Variants in C3orf22 observed in about 807,000 individuals in gnomAD.
C3orf22 encodes chromosome 3 open reading frame 22, also known as uncharacterized protein C3orf22.
A neutral mutation model predicts 10.8 loss-of-function variants in C3orf22; 7 were observed. The observed-to-expected ratio is 0.65, with a 90% confidence interval of 0.37 to 1.22. The LOEUF (loss-of-function observed/expected upper bound fraction) is 1.22. Among genes scored for constraint, C3orf22 ranks in the 50% most tolerant of loss-of-function variants. The pLI, the probability that C3orf22 is intolerant of heterozygous loss-of-function variation, is 0.02. For synonymous variants in C3orf22, 79 were observed against 78.9 expected (o/e 1.00, Z 0.00); for missense variants, 173 against 177.0 (o/e 0.98, Z 0.13).
At chr3:126,543,976 A>T (rs901565160) in intron 4 of C3orf22, among the ~76,000 whole-genome samples, 6 of 152,176 alleles carry the variant, frequency 3.9e-5, no homozygotes, top group Admixed American at 2.0e-4. Context: ...CACCATTTCC[A>T]GCGTTCCCTG....
In C3orf22 at chr3:126,529,389, G is replaced by T. The variant is rs781528562; in HGVS notation, c.287-17C>A. The T allele has an allele frequency of 7.8e-6, 10 of 1,289,244 alleles. No homozygotes were observed. The South Asian group carries it at 9.9e-5, about 13-fold the overall frequency. The allele number at this position is 1,289,244 out of a possible 1,614,324, so 79.9% of individuals were successfully genotyped here. A position where few individuals can be genotyped will look rare whatever the true frequency, so the allele number is the denominator to read the frequency against. On this transcript the variant is annotated splice_polypyrimidine_tract_variant and intron_variant and NMD_transcript_variant, in intron 4 of 5. Coordinates refer to the C3orf22 transcript ENST00000505070. ...CCCACTTGCCTACGGATGCCGCAAG[G>T]GGGGACAGGTGTCAGGACAAGGGGG...
intron 4 of C3orf22, among the ~76,000 whole-genome samples, chr3:126,529,544 C>T (rs1181438564): frequency 1.3e-5 from 2 of 152,254 alleles, no homozygotes; most frequent in Non-Finnish European, 2.9e-5. Context: ...CTCAGTTTCC[C>T]CCTCTGTCAA....
In C3orf22 at chr3:126,541,842, G is replaced by T. The variant is rs138078497; in HGVS notation, c.286+7695C>A. 24 of 1,577,502 alleles carry T rather than the reference G, an allele frequency of 1.5e-5. No individual in the cohort carries two copies. The highest frequency in any genetic ancestry group is 1.9e-5 in the Non-Finnish European group (22 of 1,162,462). ...CGCCTGCTACAGCCGGAGGACCTGC[G>T]GCACGTGCTGGTGGACGACGCGCAT... On this transcript the variant is annotated intron_variant and NMD_transcript_variant, in intron 4 of 5. Coordinates refer to the C3orf22 transcript ENST00000505070.
intron 4 of C3orf22, among the ~76,000 whole-genome samples, chr3:126,537,994 G>A (rs936882462): frequency 2.0e-5 from 3 of 152,214 alleles, no homozygotes; most frequent in Admixed American, 2.0e-4. Flanking sequence ...GCCCCGGACA[G>A]TGGACATAGG....
chr3:126,541,113 TG>T (rs1402515345), intron 4 of C3orf22, among the ~76,000 whole-genome samples: 21 of 152,276 alleles, frequency 1.4e-4, no homozygotes, highest in African/African-American at 5.1e-4. Context: ...GCGGTGAGGC[TG>T]CTGGCCCGCA....
intron 1 of C3orf22, among the ~76,000 whole-genome samples, chr3:126,554,262 GTTTT>G (rs772991755): frequency 4.9e-5 from 4 of 80,934 alleles, no homozygotes; most frequent in African/African-American, 1.1e-4. Context: ...TTTTTCTGTT[GTTTT>G]TTTTTTTTTT....
intron 1 of C3orf22, 44 bp from the exon 2 acceptor site, chr3:126,553,474 G>T: frequency 8.1e-7 from 1 of 1,240,742 alleles, no homozygotes; most frequent in Non-Finnish European, 1.2e-6. Flanking sequence ...GGGTGGTGGG[G>T]GGCAGAAGGC....
At chr3:126,537,345 G>T (rs955690854) in intron 4 of C3orf22, among the ~76,000 whole-genome samples, 1 of 152,228 alleles carries the variant, frequency 6.6e-6, no homozygotes, top group African/African-American at 2.4e-5. Context: ...TGGGCAGCAC[G>T]CAGGCCCTGC....
chr3:126,551,132 C>T (rs549270047), intron 3 of C3orf22, among the ~76,000 whole-genome samples: 3 of 151,052 alleles, frequency 2.0e-5, no homozygotes, highest in African/African-American at 4.9e-5. Context: ...TGTGTGTGTG[C>T]GTGGCACTAC....
At chr3:126,539,815 CAAA>C (rs1936902214) in intron 4 of C3orf22, among the ~76,000 whole-genome samples, 1 of 80,404 alleles carries the variant, frequency 1.2e-5, no homozygotes, top group Non-Finnish European at 2.5e-5. Context: ...CCACACACCA[CAAA>C]CACACATACC....
chr3:126,541,969 C>A, intron 4 of C3orf22: 1 of 1,581,834 alleles, frequency 6.3e-7, no homozygotes, highest in Non-Finnish European at 8.6e-7. Flanking sequence ...GCGCCATCTC[C>A]GCGCAAGAGG....
intron 3 of C3orf22, 37 bp from the exon 4 acceptor site, chr3:126,550,115 G>A (rs1286791961): frequency 1.9e-6 from 3 of 1,608,288 alleles, no homozygotes; most frequent in Non-Finnish European, 2.5e-6. Flanking sequence ...TGGCCTTCAG[G>A]ACCCCTGCTG....
intron 2 of C3orf22, 90 bp from the exon 3 acceptor site, chr3:126,552,212 C>T (rs928950928): frequency 1.9e-6 from 3 of 1,589,634 alleles, no homozygotes; most frequent in Non-Finnish European, 1.7e-6. Flanking sequence ...ATCTGCTAGG[C>T]ACTGTTCTAA....
intron 1 of C3orf22, among the ~76,000 whole-genome samples, chr3:126,553,772 G>C (rs772346110): frequency 6.6e-6 from 1 of 152,168 alleles, no homozygotes; most frequent in African/African-American, 2.4e-5. Context: ...AACTGCACAC[G>C]AGGTGTGTTT....
chr3:126,553,130 G>C (rs1217992266), intron 2 of C3orf22, among the ~76,000 whole-genome samples, 172 bp downstream of exon 2: 2 of 152,198 alleles, frequency 1.3e-5, no homozygotes, highest in Non-Finnish European at 2.9e-5. Context: ...GGCTGTGATG[G>C]GGGTAACGAA....
At chr3:126,543,780 G>A (rs1407744927) in intron 4 of C3orf22, among the ~76,000 whole-genome samples, 1 of 152,190 alleles carries the variant, frequency 6.6e-6, no homozygotes, top group Non-Finnish European at 1.5e-5. Flanking sequence ...GTGAGTGTGG[G>A]TGTGTCTTGG....
intron 4 of C3orf22, chr3:126,541,770 G>A (rs1030473591): frequency 2.2e-5 from 34 of 1,519,500 alleles, no homozygotes; most frequent in Non-Finnish European, 2.7e-5. Context: ...CACCGGCAGC[G>A]GCGCGACCTG....
intron 3 of C3orf22, 169 bp from the exon 4 acceptor site, chr3:126,550,247 TC>T: frequency 7.3e-6 from 2 of 272,126 alleles, no homozygotes; most frequent in Non-Finnish European, 1.1e-5. Context: ...CCACCTGATG[TC>T]CCAGGAAGCC....
intron 1 of C3orf22, among the ~76,000 whole-genome samples, chr3:126,558,061 A>AG: frequency 6.6e-6 from 1 of 150,562 alleles, no homozygotes; most frequent in Admixed American, 6.6e-5. Flanking sequence ...AGTGCGGGGC[A>AG]GGGGAAGCCT....
Sources: gnomAD v4.1 joint callset for allele counts (sites outside exome capture counted in the v4.1 genomes callset) on GRCh38, gnomAD v4.1.1 for gene constraint, MANE v1.5 for transcripts, NCBI Gene and HGNC (gene_info 2026-07-23, HGNC 2026-07-21) for gene names.